Variants in RHAG observed in about 807,000 individuals in gnomAD.
RHAG encodes ammonium transporter Rh type A.
In RHAG, 25 loss-of-function variants were observed where a neutral mutation model predicts 42.4. That is an observed-to-expected ratio of 0.59 (90% CI 0.43 to 0.82). RHAG has a LOEUF of 0.82. Among genes scored for constraint, RHAG ranks in the 40% least tolerant of loss-of-function variants. The probability of loss-of-function intolerance (pLI) is 0.00; values close to 1 mark genes in which losing one functional copy is unlikely to be tolerated. For synonymous variants in RHAG, 182 were observed against 177.7 expected (o/e 1.02, Z -0.19); for missense variants, 483 against 504.6 (o/e 0.96, Z 0.41).
At chr6:49,623,666 A>T (rs1438307667) in intron 1 of RHAG, among the ~76,000 whole-genome samples, 4 of 152,196 alleles carry the variant, frequency 2.6e-5, no homozygotes, top group Admixed American at 2.0e-4. Context: ...GGTGCCGCTG[A>T]TGTCCTGAGG....
chr6:49,634,532 C>T lies in RHAG; in HGVS notation c.157+2124G>A, dbSNP rs148438556. Among the ~76,000 whole-genome samples, 672 of 152,058 alleles carry T rather than the reference C, an allele frequency of 4.4e-3. 5 individuals are homozygous for T. The highest frequency in any genetic ancestry group is 0.015 in the African/African-American group (621 of 41,488). Reference sequence around the variant, plus strand: ...CTGCACTCTTATGTTTATTGCAGCACGATTCACAATAGCCAAGATACGTAA... The same window carrying T: ...CTGCACTCTTATGTTTATTGCAGCATGATTCACAATAGCCAAGATACGTAA... On this transcript the variant is annotated intron_variant, in intron 1 of 9. Coordinates refer to ENST00000371175, the MANE Select transcript of RHAG (RefSeq NM_000324.3).
In RHAG at chr6:49,610,917, A is replaced by G. The variant is rs190725598; in HGVS notation, c.1067+107T>C. On this transcript the variant is annotated intron_variant, in intron 7 of 9. Coordinates refer to ENST00000371175, the MANE Select transcript of RHAG (RefSeq NM_000324.3). Reference sequence around the variant, plus strand: ...GCGTCTCTTTGGCTCCAGTAAAGACAATACAAACCATGGCCAGAACAGCTA... The same window carrying G: ...GCGTCTCTTTGGCTCCAGTAAAGACGATACAAACCATGGCCAGAACAGCTA... 5.0e-6 allele frequency: 7 copies of G among 1,395,090 alleles called. No homozygotes were observed. The Admixed American group carries it at 1.0e-4, about 20-fold the overall frequency. The allele number at this position is 1,395,090 out of a possible 1,614,324, so 86.4% of individuals were successfully genotyped here.
In RHAG at chr6:49,628,157, CACACAG is replaced by C. The variant is rs771274441; in HGVS notation, c.157+8493_157+8498del. On this transcript the variant is annotated intron_variant, in intron 1 of 9. Coordinates refer to ENST00000371175, the MANE Select transcript of RHAG (RefSeq NM_000324.3). ...TGAGACACACACACACACACACACA[CACACAG>C]AGAGAGAGAGAGAGACAGGGTCTTG... is the stretch of plus-strand genomic sequence containing the variant. Among the ~76,000 whole-genome samples, 263 of 119,644 alleles carry C rather than the reference CACACAG, an allele frequency of 2.2e-3. 2 individuals carry two copies. The highest frequency in any genetic ancestry group is 4.3e-3 in the African/African-American group (123 of 28,766). 78.5% of individuals were successfully genotyped at this position (119,644 alleles called of 152,430 possible). A position where few individuals can be genotyped will look rare whatever the true frequency, so the allele number is the denominator to read the frequency against.
At chr6:49,613,136 C>T (rs1277290531) in intron 5 of RHAG, among the ~76,000 whole-genome samples, 1 of 149,916 alleles carries the variant, frequency 6.7e-6, no homozygotes, top group African/African-American at 2.5e-5. Context: ...GCAGCGCGAT[C>T]TTGGCTCACT....
chr6:49,617,382 T>A (rs1044106633), intron 3 of RHAG, among the ~76,000 whole-genome samples: 3 of 152,220 alleles, frequency 2.0e-5, no homozygotes, highest in Middle Eastern at 3.2e-3. Context: ...TGTGTTTGTG[T>A]CTTTGGGTGG....
chr6:49,631,363 T>C (rs1007108957), intron 1 of RHAG, among the ~76,000 whole-genome samples: 5 of 152,250 alleles, frequency 3.3e-5, no homozygotes, highest in African/African-American at 1.2e-4. Flanking sequence ...TAATTTTCTA[T>C]GTCTATTCTC....
intron 1 of RHAG, among the ~76,000 whole-genome samples, chr6:49,635,640 AT>A (rs1762999462): frequency 6.6e-6 from 1 of 152,052 alleles, no homozygotes. Context: ...TCTCTGTCTT[AT>A]TACCCTAACT....
In RHAG at chr6:49,605,439, G is replaced by A. The variant is rs1305544838; in HGVS notation, c.*374C>T. 2 of 271,618 alleles carry A rather than the reference G, an allele frequency of 7.4e-6. No homozygotes were observed. The highest frequency in any genetic ancestry group is 1.4e-5 in the Non-Finnish European group (2 of 140,288). The allele number at this position is 271,618 out of a possible 1,614,324, so 16.8% of individuals were successfully genotyped here. On this transcript the variant is annotated 3_prime_UTR_variant, in exon 10 of 10. Coordinates refer to ENST00000371175, the MANE Select transcript of RHAG (RefSeq NM_000324.3). ...ATCTATTCTTGCTTCATGGGTTTCA[G>A]TTTTATAATTTTTGGGATTGAAGAC...
chr6:49,621,856 T>A (rs1762763603), intron 1 of RHAG, among the ~76,000 whole-genome samples: 1 of 152,192 alleles, frequency 6.6e-6, no homozygotes, highest in Non-Finnish European at 1.5e-5. Flanking sequence ...ATTTTGCATT[T>A]AGGTCAGGAC....
intron 3 of RHAG, among the ~76,000 whole-genome samples, 182 bp downstream of exon 3, chr6:49,617,886 A>G (rs1762680263): frequency 6.6e-6 from 1 of 152,170 alleles, no homozygotes; most frequent in South Asian, 2.1e-4. Flanking sequence ...AAGATGAAAT[A>G]AGATAATGTT....
Position 49,615,765 on chromosome 6 carries a change from CAG to C in RHAG, c.497_498del (p.Ser166Ter). On this transcript the variant is annotated frameshift_variant, in exon 4 of 10. Coordinates refer to ENST00000371175, the MANE Select transcript of RHAG (RefSeq NM_000324.3). LOFTEE classifies it high-confidence loss of function. Reference sequence around the variant, plus strand: ...TGGATCGTCATTGATGCTCCAATGTCAGAGGCCTGAGGGACAAAATAGCATTC... The same window carrying C: ...TGGATCGTCATTGATGCTCCAATGTCAGGCCTGAGGGACAAAATAGCATTC... The part of the protein sequence containing the change: ...EYLVSEIFKA[S>X]DIGASMTIHA... 6.2e-7 allele frequency: 1 copy of C among 1,614,070 alleles called. No homozygotes were observed. The highest frequency in any genetic ancestry group is 1.1e-5 in the South Asian group (1 of 91,074).
intron 1 of RHAG, among the ~76,000 whole-genome samples, chr6:49,622,143 G>C (rs1010600763): frequency 1.3e-5 from 2 of 151,366 alleles, no homozygotes; most frequent in Admixed American, 6.6e-5. Flanking sequence ...CCTGGTAGGA[G>C]ATGACTGAAT....
chr6:49,609,021 T>TACTA (rs1430559883), intron 7 of RHAG, among the ~76,000 whole-genome samples: 1 of 152,194 alleles, frequency 6.6e-6, no homozygotes, highest in African/African-American at 2.4e-5. Flanking sequence ...TTAACAGCAT[T>TACTA]ACTAGAGTTA....
Position 49,636,806 on chromosome 6 carries a change from A to G in RHAG, c.7T>C (p.Phe3Leu), listed in dbSNP as rs764939103. The change falls in exon 1 of 10, where the codon TTC becomes CTC. Residue 3 changes from phenylalanine to leucine, a missense_variant. Physicochemically the swap from Phe to Leu is conservative, Grantham distance 22. Coordinates refer to ENST00000371175, the MANE Select transcript of RHAG (RefSeq NM_000324.3). The stretch of plus-strand genomic sequence containing the variant: ...ACTATAGCCATGAGAGGGAATGTGA[A>G]CCTCATGTTTGTGGCAAAGGACAGA... MR[F>L]TFPLMAIVLE... 4.3e-6 allele frequency: 7 copies of G among 1,613,590 alleles called. No homozygotes were observed. Among genetic ancestry groups the G allele is most frequent in the Non-Finnish European group, 5.9e-6 (7 of 1,179,694 alleles).
intron 9 of RHAG, among the ~76,000 whole-genome samples, chr6:49,606,151 G>C (rs1415033197): frequency 6.6e-6 from 1 of 152,108 alleles, no homozygotes; most frequent in African/African-American, 2.4e-5. Context: ...GAAAGAGGCT[G>C]ATGTTTCGTT....
intron 1 of RHAG, among the ~76,000 whole-genome samples, chr6:49,634,203 C>T (rs753238086): frequency 5.3e-5 from 8 of 152,144 alleles, no homozygotes; most frequent in East Asian, 1.9e-4. Flanking sequence ...CCTTACTGTA[C>T]GACAAACACT....
chr6:49,629,265 C>T (rs57968495), intron 1 of RHAG, among the ~76,000 whole-genome samples: 6,616 of 151,974 alleles, frequency 0.044, 482 homozygotes, highest in African/African-American at 0.15. Flanking sequence ...TTTACAATCC[C>T]TGAGCTAGAC....
At chr6:49,613,227 G>A (rs568906212) in intron 5 of RHAG, among the ~76,000 whole-genome samples, 1 of 152,124 alleles carries the variant, frequency 6.6e-6, no homozygotes, top group Non-Finnish European at 1.5e-5. Flanking sequence ...ACGCCACCAT[G>A]TCCAGCTAAT....
chr6:49,636,533 T>G, intron 1 of RHAG, 123 bp downstream of exon 1: 1 of 1,027,896 alleles, frequency 9.7e-7, no homozygotes, highest in Non-Finnish European at 1.5e-6. Context: ...GTAATATCCT[T>G]AGCACTCATA....
Sources: gnomAD v4.1 joint callset for allele counts (sites outside exome capture counted in the v4.1 genomes callset) on GRCh38, gnomAD v4.1.1 for gene constraint, MANE v1.5 for transcripts, NCBI Gene and HGNC (gene_info 2026-07-23, HGNC 2026-07-21) for gene names.